Variants in NT5DC1 observed in about 807,000 individuals in gnomAD.
NT5DC1 encodes the protein 5'-nucleotidase domain-containing protein 1.
Under a neutral mutation model 59.4 loss-of-function variants are expected in NT5DC1, and 42 were observed. That is an observed-to-expected ratio of 0.71 (90% CI 0.55 to 0.92). NT5DC1 has a LOEUF of 0.92. Ranked by LOEUF, NT5DC1 falls within the 40% of genes least tolerant of loss-of-function variation. The pLI is 0.00. For missense variants in NT5DC1, 501 were observed against 537.1 expected (o/e 0.93, Z 0.66); for synonymous variants, 172 against 188.1 (o/e 0.91, Z 0.70).
chr6:116,164,587 A>G (rs959160347), intron 6 of NT5DC1, among the ~76,000 whole-genome samples: 4 of 152,276 alleles, frequency 2.6e-5, no homozygotes, highest in African/African-American at 9.6e-5. Context: ...GTTAATATGC[A>G]TATGTGAGGT....
chr6:116,143,262 G>C (rs1779810842), intron 6 of NT5DC1, among the ~76,000 whole-genome samples: 2 of 152,198 alleles, frequency 1.3e-5, no homozygotes, highest in African/African-American at 4.8e-5. Flanking sequence ...CCAGACTGGA[G>C]TGCAGTGGCG....
At chr6:116,113,479 A>G (rs568452687) in intron 4 of NT5DC1, among the ~76,000 whole-genome samples, 5 of 152,336 alleles carry the variant, frequency 3.3e-5, no homozygotes, top group African/African-American at 1.2e-4. Context: ...TTCATTAGCA[A>G]TGAGCTGTCT....
intron 6 of NT5DC1, among the ~76,000 whole-genome samples, chr6:116,195,578 T>C (rs1781205723): frequency 6.6e-6 from 1 of 152,052 alleles, no homozygotes; most frequent in African/African-American, 2.4e-5. Flanking sequence ...ATGATTACTT[T>C]CATATCATTT....
intron 6 of NT5DC1, among the ~76,000 whole-genome samples, chr6:116,129,524 A>G (rs1247813796): frequency 4.6e-5 from 7 of 152,200 alleles, no homozygotes; most frequent in Non-Finnish European, 8.8e-5. Flanking sequence ...TATAGAAGCA[A>G]GCTCGGCCCC....
At chr6:116,173,802 G>A (rs979225678) in intron 6 of NT5DC1, among the ~76,000 whole-genome samples, 1 of 151,966 alleles carries the variant, frequency 6.6e-6, no homozygotes, top group Non-Finnish European at 1.5e-5. Flanking sequence ...CATTATTATG[G>A]TACCTTTGTC....
chr6:116,193,186 T>C (rs1040913942), intron 6 of NT5DC1, among the ~76,000 whole-genome samples: 2 of 152,102 alleles, frequency 1.3e-5, no homozygotes, highest in African/African-American at 4.8e-5. Context: ...AGTTTATTTG[T>C]GTTTTACTCT....
At chr6:116,172,482 C>T (rs903698958) in intron 6 of NT5DC1, among the ~76,000 whole-genome samples, 9 of 151,858 alleles carry the variant, frequency 5.9e-5, no homozygotes, top group African/African-American at 2.2e-4. Context: ...CCACCACGCC[C>T]AGCCAATTTT....
At chr6:116,104,403 A>G (rs982116373) in intron 1 of NT5DC1, among the ~76,000 whole-genome samples, 1 of 152,166 alleles carries the variant, frequency 6.6e-6, no homozygotes, top group African/African-American at 2.4e-5. Context: ...ATCTTAGACT[A>G]ATCACTTGAA....
rs369445069 is a variant in NT5DC1, at chr6:116,100,921, C to T, written c.-10C>T. The T allele has an allele frequency of 2.5e-6, 4 of 1,593,564 alleles. No homozygotes were observed. The highest frequency in any genetic ancestry group is 2.4e-5 in the East Asian group (1 of 42,432). On this transcript the variant is annotated 5_prime_UTR_variant, in exon 1 of 12. Transcript: ENST00000319550. Reference sequence around the variant, plus strand: ...CGGCCGAGGCGCTCCCTGGTGCTCCCCGCGCAGCCATGGCTCAGCACTTCT... The same window carrying T: ...CGGCCGAGGCGCTCCCTGGTGCTCCTCGCGCAGCCATGGCTCAGCACTTCT...
chr6:116,170,838 C>G (rs549464348), intron 6 of NT5DC1, among the ~76,000 whole-genome samples: 1 of 152,148 alleles, frequency 6.6e-6, no homozygotes, highest in Non-Finnish European at 1.5e-5. Context: ...TCCCACCTGC[C>G]GTGTAGCCTA....
intron 6 of NT5DC1, among the ~76,000 whole-genome samples, chr6:116,195,680 A>G (rs1562159900): frequency 6.6e-6 from 1 of 152,064 alleles, no homozygotes; most frequent in Non-Finnish European, 1.5e-5. Flanking sequence ...GAAAAGGCAC[A>G]TCTTTAGAAT....
At chr6:116,206,108 T>C (rs2114518230) in intron 6 of NT5DC1, among the ~76,000 whole-genome samples, 1 of 152,100 alleles carries the variant, frequency 6.6e-6, no homozygotes, top group Middle Eastern at 3.4e-3. Context: ...TCATAGCATA[T>C]GTTTCAAAAT....
rs1771899873 is a variant in NT5DC1 at position 116,249,149 on chromosome 6, G to A, written c.*5125G>A. The A allele has an allele frequency of 6.8e-6, 1 of 147,826 alleles. No homozygotes were observed. The highest frequency in any genetic ancestry group is 2.4e-5 in the African/African-American group (1 of 41,206). 9.2% of individuals were successfully genotyped at this position (147,826 alleles called of 1,614,324 possible). ...AGAGGAATTTAGGATTAAGATGGAT[G>A]TAGAGCTTGCAAAAGAAAACCTAGC... is the stretch of plus-strand genomic sequence containing the variant. On this transcript the variant is annotated 3_prime_UTR_variant, in exon 12 of 12. Coordinates refer to ENST00000319550, the MANE Select transcript of NT5DC1 (RefSeq NM_152729.3).
intron 8 of NT5DC1, among the ~76,000 whole-genome samples, chr6:116,231,773 A>C (rs943682366): frequency 1.3e-5 from 2 of 152,266 alleles, no homozygotes; most frequent in African/African-American, 4.8e-5. Context: ...ATAATAGAAC[A>C]TGTGTAAAAT....
intron 6 of NT5DC1, among the ~76,000 whole-genome samples, chr6:116,179,577 C>T (rs1780830330): frequency 6.6e-6 from 1 of 152,042 alleles, no homozygotes; most frequent in Non-Finnish European, 1.5e-5. Context: ...AAATCAAAAC[C>T]ACAAAGACCT....
At chr6:116,214,208 C>T (rs984411391) in intron 6 of NT5DC1, among the ~76,000 whole-genome samples, 8 of 152,032 alleles carry the variant, frequency 5.3e-5, no homozygotes, top group Admixed American at 2.6e-4. Flanking sequence ...GAGTATTGCT[C>T]TCAAGGCTCA....
intron 6 of NT5DC1, among the ~76,000 whole-genome samples, chr6:116,149,835 G>A (rs1779991930): frequency 6.6e-6 from 1 of 152,184 alleles, no homozygotes; most frequent in Non-Finnish European, 1.5e-5. Flanking sequence ...CTTCTTTAGA[G>A]GTGAGGAAAT....
intron 6 of NT5DC1, among the ~76,000 whole-genome samples, chr6:116,210,349 G>T (rs1198489793): frequency 6.6e-6 from 1 of 150,428 alleles, no homozygotes; most frequent in East Asian, 2.0e-4. Context: ...CCCCTGAAAT[G>T]TAATAATGTA....
At chr6:116,176,385 TTC>T (rs532759541) in intron 6 of NT5DC1, among the ~76,000 whole-genome samples, 1 of 152,170 alleles carries the variant, frequency 6.6e-6, no homozygotes, top group South Asian at 2.1e-4. Flanking sequence ...CAGGGTATAG[TTC>T]TCTGTTCTGG....
Sources: allele counts gnomAD v4.1 joint callset (sites outside exome capture counted in the v4.1 genomes callset), GRCh38; gene constraint gnomAD v4.1.1; transcripts MANE v1.5; gene names NCBI Gene and HGNC (gene_info 2026-07-23, HGNC 2026-07-21).